DIAPH3: variants seen among roughly 807,000 people sequenced by gnomAD.
DIAPH3 encodes the protein diaphanous related formin 3.
A neutral mutation model predicts 144.3 loss-of-function variants in DIAPH3; 117 were observed. The observed-to-expected ratio is 0.81, with a 90% CI of 0.70 to 0.95. DIAPH3 has a LOEUF of 0.95. Among genes scored for constraint, DIAPH3 ranks in the 40% least tolerant of loss-of-function variants. The probability of loss-of-function intolerance (pLI) is 0.00; values close to 1 mark genes in which losing one functional copy is unlikely to be tolerated. For synonymous variants in DIAPH3, 519 were observed against 488.9 expected, an observed-to-expected ratio of 1.06 and a Z score of -0.81; for missense variants, 1,421 against 1,412.7, an observed-to-expected ratio of 1.01 and a Z score of -0.09.
intron 20 of DIAPH3, among the ~76,000 whole-genome samples, chr13:59,909,544 T>G (rs1463321036): frequency 6.6e-6 from 1 of 152,206 alleles, no homozygotes; most frequent in Non-Finnish European, 1.5e-5. Context: ...TCCTCAACTT[T>G]CATTCTGATT....
At chr13:59,751,168 G>T (rs1019854956) in intron 27 of DIAPH3, among the ~76,000 whole-genome samples, 3 of 152,260 alleles carry the variant, frequency 2.0e-5, no homozygotes, top group African/African-American at 4.8e-5. Flanking sequence ...TCCTGCAAAA[G>T]AATTTCATTG....
intron 17 of DIAPH3, among the ~76,000 whole-genome samples, chr13:59,963,539 C>T (rs929821675): frequency 2.0e-5 from 3 of 151,906 alleles, no homozygotes; most frequent in Middle Eastern, 3.4e-3. Context: ...CCTATCTTGA[C>T]CCTATTCTCT....
chr13:59,931,763 C>A (rs74549901), intron 17 of DIAPH3, among the ~76,000 whole-genome samples: 3 of 152,224 alleles, frequency 2.0e-5, no homozygotes, highest in Admixed American at 2.0e-4. Context: ...TTTAGATAAA[C>A]GATGGTGATG....
chr13:60,038,957 A>T (rs1470705652), intron 5 of DIAPH3, among the ~76,000 whole-genome samples: 1 of 152,066 alleles, frequency 6.6e-6, no homozygotes, highest in Non-Finnish European at 1.5e-5. Flanking sequence ...ATAATTATTG[A>T]CTATGTCAAG....
intron 2 of DIAPH3, among the ~76,000 whole-genome samples, chr13:60,119,603 CG>C (rs2058787626): frequency 6.6e-6 from 1 of 150,608 alleles, no homozygotes; most frequent in Admixed American, 6.6e-5. Flanking sequence ...AAAAATTAGC[CG>C]GGCGTAGTGG....
intron 27 of DIAPH3, among the ~76,000 whole-genome samples, chr13:59,681,259 C>T (rs924494153): frequency 1.3e-5 from 2 of 152,092 alleles, no homozygotes; most frequent in Non-Finnish European, 2.9e-5. Context: ...TTGCTTGAGA[C>T]CAGGACTTTA....
chr13:59,765,133 T>G (rs988854045), intron 27 of DIAPH3, among the ~76,000 whole-genome samples: 2 of 152,198 alleles, frequency 1.3e-5, no homozygotes, highest in African/African-American at 4.8e-5. Context: ...AACAAAATTC[T>G]CCATAGTCTT....
At chr13:59,962,190 A>T (rs767982923) in intron 17 of DIAPH3, among the ~76,000 whole-genome samples, 2 of 152,216 alleles carry the variant, frequency 1.3e-5, no homozygotes, top group Non-Finnish European at 2.9e-5. Flanking sequence ...CACAAATTAG[A>T]GAGTCTAAAT....
intron 4 of DIAPH3, among the ~76,000 whole-genome samples, chr13:60,059,732 T>G (rs2056694056): frequency 6.6e-6 from 1 of 152,022 alleles, no homozygotes; most frequent in Admixed American, 6.6e-5. Flanking sequence ...GATGTTCTAA[T>G]TTGCCAGCCT....
chr13:60,056,281 GGA>G (rs1160211695), intron 4 of DIAPH3, among the ~76,000 whole-genome samples: 1 of 150,842 alleles, frequency 6.6e-6, no homozygotes, highest in African/African-American at 2.4e-5. Context: ...AAGAGAGAGA[GGA>G]GAGAGAACGA....
intron 19 of DIAPH3, 137 bp from the exon 20 acceptor site, chr13:59,911,973 A>C: frequency 1.5e-6 from 1 of 677,288 alleles, no homozygotes. Context: ...CCTCCTAATA[A>C]GCCTTAAGCA....
At chr13:59,893,898 A>G (rs922860177) in intron 20 of DIAPH3, among the ~76,000 whole-genome samples, 2 of 152,106 alleles carry the variant, frequency 1.3e-5, no homozygotes, top group African/African-American at 4.8e-5. Context: ...CTATATTCCA[A>G]ACATAAACCC....
intron 21 of DIAPH3, 124 bp from the exon 22 acceptor site, chr13:59,861,660 G>A (rs1250563784): frequency 2.4e-5 from 26 of 1,087,216 alleles, no homozygotes; most frequent in Non-Finnish European, 2.9e-5. Context: ...AGTTGATTTC[G>A]TTTTTGAAAA....
At chr13:60,005,018 T>C (rs1161240256) in intron 9 of DIAPH3, among the ~76,000 whole-genome samples, 1 of 152,144 alleles carries the variant, frequency 6.6e-6, no homozygotes, top group Non-Finnish European at 1.5e-5. Context: ...CACTCAACAC[T>C]AAATATGGCA....
chr13:59,774,304 G>A, intron 26 of DIAPH3, 56 bp from the exon 27 acceptor site: 1 of 1,440,320 alleles, frequency 6.9e-7, no homozygotes, highest in South Asian at 1.2e-5. Flanking sequence ...ATCTCAAGAA[G>A]GAAAACAGTA....
chr13:59,802,726 C>G (rs2040001718), intron 25 of DIAPH3, among the ~76,000 whole-genome samples: 1 of 114,138 alleles, frequency 8.8e-6, no homozygotes, highest in Non-Finnish European at 1.7e-5. Context: ...CCAGGCCGGA[C>G]TGCGGACTGC....
At chr13:59,910,908 T>A (rs1227447624) in intron 20 of DIAPH3, among the ~76,000 whole-genome samples, 1 of 151,604 alleles carries the variant, frequency 6.6e-6, no homozygotes, top group African/African-American at 2.4e-5. Context: ...AGCAAATGTC[T>A]ACAACATGCC....
rs1184368435 is a variant in DIAPH3, at chr13:59,666,607, G to A, written c.3559C>T (p.Leu1187=). The A allele has an allele frequency of 1.2e-6, 2 of 1,613,888 alleles. No individual in the cohort carries two copies. Among genetic ancestry groups the A allele is most frequent in the East Asian group, 4.5e-5 (2 of 44,880 alleles). The change falls in exon 28 of 28, where the codon CTG becomes TTG. Residue 1187 remains leucine, a synonymous_variant. Transcript: ENST00000400324. ...NESVPEVEAL[L]ARLRAL The stretch of plus-strand genomic sequence containing the variant: ...ACTTATAAAGCTCGTAATCTTGCCA[G>A]CAGGGCTTCAACTTCGGGAACTGAT...
chr13:59,839,082 G>C, intron 23 of DIAPH3: 1 of 366,528 alleles, frequency 2.7e-6, no homozygotes, highest in South Asian at 2.6e-5. Flanking sequence ...CCGCACTCCA[G>C]CCTGGGTTTC....
Sources: gnomAD v4.1 joint callset for allele counts (sites outside exome capture counted in the v4.1 genomes callset) on GRCh38, gnomAD v4.1.1 for gene constraint, MANE v1.5 for transcripts, NCBI Gene and HGNC (gene_info 2026-07-23, HGNC 2026-07-21) for gene names.